Variants in SAMD11 observed in about 807,000 individuals in gnomAD.
The protein encoded by SAMD11 is sterile alpha motif domain-containing protein 11.
In SAMD11, 77 loss-of-function variants were observed where a neutral mutation model predicts 64.4. The ratio of observed to expected loss-of-function variants is 1.20; its 90% CI spans 0.99 to 1.44. The LOEUF (loss-of-function observed/expected upper bound fraction) is 1.44, where lower values mean the gene tolerates loss of function less well. Ranked by LOEUF, SAMD11 falls within the 40% of genes most tolerant of loss-of-function variation. The pLI is 0.00. For missense variants in SAMD11, 1,402 were observed against 943.3 expected, an observed-to-expected ratio of 1.49 and a Z score of -6.37; for synonymous variants, 658 against 421.9, an observed-to-expected ratio of 1.56 and a Z score of -6.86.
In SAMD11 at chr1:939,099, G is replaced by A. The variant is rs759432143; in HGVS notation, c.1027G>A (p.Glu343Lys). The A allele has an allele frequency of 1.2e-6, 2 of 1,604,684 alleles. No homozygotes were observed. Among genetic ancestry groups the A allele is most frequent in the African/African-American group, 2.7e-5 (2 of 74,854 alleles). ...CCGTATCAGCAGCGACTGCTTTTCA[G>A]AGAAGAGGGCACGAAGCGAATCGCC... is the stretch of plus-strand genomic sequence containing the variant. ...SPRISSDCFSEKRARSESPQE... is the reference protein window; with the variant it reads ...SPRISSDCFSKKRARSESPQE... The change falls in exon 6 of 14, where the codon GAG becomes AAG. Residue 343 changes from glutamate (E) to lysine (K), a missense_variant. By Grantham distance (56) the Glu-to-Lys change is moderately conservative. Transcript: ENST00000616016.
At chr1:934,023 G>A (rs1156286686) in intron 4 of SAMD11, among the ~76,000 whole-genome samples, 1 of 118,436 alleles carries the variant, frequency 8.4e-6, no homozygotes, top group Admixed American at 8.4e-5. Context: ...AGGCGGCTGC[G>A]TTACAGGTGG....
At chr1:926,361 C>T (rs1247080131) in intron 2 of SAMD11, among the ~76,000 whole-genome samples, 1 of 152,226 alleles carries the variant, frequency 6.6e-6, no homozygotes, top group Non-Finnish European at 1.5e-5. Flanking sequence ...GCACTGTGCC[C>T]TGTCACCGCT....
chr1:942,275 C>T (rs759199429), intron 9 of SAMD11, 24 bp downstream of exon 9: 10 of 1,070,452 alleles, frequency 9.3e-6, no homozygotes, highest in Non-Finnish European at 1.0e-5. Context: ...TGCGCATCCC[C>T]TGGGAGCCCG....
Position 935,773 on chromosome 1 carries a change from C to G in SAMD11, c.844C>G (p.Gln282Glu). 6.2e-7 allele frequency: 1 copy of G among 1,613,352 alleles called. No homozygotes were observed. The highest frequency in any genetic ancestry group is 1.3e-5 in the African/African-American group (1 of 75,058). The change falls in exon 5 of 14, where the codon CAG (glutamine) becomes GAG (glutamate). Residue 282 changes from glutamine to glutamate, a missense_variant and splice_region_variant. Physicochemically the swap from Gln to Glu is conservative, Grantham distance 29. Coordinates refer to ENST00000616016, the MANE Select transcript of SAMD11 (RefSeq NM_001385641.1). ...NISFREASCSQDGNLPTLISS... is the reference protein window; with the variant it reads ...NISFREASCSEDGNLPTLISS... ...GCTTTTCCCGGTCTCGTTCTGCAGC[C>G]AGGACGGCAACCTTCCCACCCTCAT... is the stretch of plus-strand genomic sequence containing the variant.
At position 939,355 on chromosome 1, in the gene SAMD11, G is replaced by C. The variant is rs750465792; in HGVS notation, c.1138G>C (p.Glu380Gln). 5 of 1,611,650 alleles carry C rather than the reference G, an allele frequency of 3.1e-6. No individual in the cohort carries two copies. The highest frequency in any genetic ancestry group is 4.2e-6 in the Non-Finnish European group (5 of 1,179,808). Residue 380 changes from glutamate to glutamine, a missense_variant, in exon 7 of 14, where the codon GAG becomes CAG. Coordinates refer to ENST00000616016, the MANE Select transcript of SAMD11 (RefSeq NM_001385641.1). The stretch of plus-strand genomic sequence containing the variant: ...CCGCCGGCTTGTGTCAGCACTGAGC[G>C]AGGCCAGCACCTTTGAGGACCCTCA... ...HYRRLVSALS[E>Q]ASTFEDPQRL...
At chr1:941,637 T>G (rs1569910564) in intron 8 of SAMD11, among the ~76,000 whole-genome samples, 1 of 151,848 alleles carries the variant, frequency 6.6e-6, no homozygotes, top group South Asian at 2.1e-4. Context: ...TGGCTGGCGC[T>G]CAAATGTAGA....
chr1:941,944 C>T (rs2100355139), intron 8 of SAMD11, among the ~76,000 whole-genome samples, 192 bp from the exon 9 acceptor site: 1 of 152,168 alleles, frequency 6.6e-6, no homozygotes, highest in South Asian at 2.1e-4. Flanking sequence ...CGGGTCAGCG[C>T]CTCCGCGCCG....
At chr1:933,561 G>C (rs528882083) in intron 4 of SAMD11, among the ~76,000 whole-genome samples, 30 of 152,178 alleles carry the variant, frequency 2.0e-4, no homozygotes, top group African/African-American at 7.0e-4. Flanking sequence ...GGGGACCCCT[G>C]GGGAGAACTC....
chr1:940,779 C>T (rs970171212), intron 7 of SAMD11, among the ~76,000 whole-genome samples: 1 of 152,228 alleles, frequency 6.6e-6, no homozygotes, highest in African/African-American at 2.4e-5. Flanking sequence ...GAGGGGGTCC[C>T]CTGGGCGGTC....
intron 2 of SAMD11, among the ~76,000 whole-genome samples, chr1:926,455 G>A (rs1484510717): frequency 6.6e-6 from 1 of 152,214 alleles, no homozygotes; most frequent in Non-Finnish European, 1.5e-5. Flanking sequence ...GCTTGGGTGT[G>A]AGTGACTTGT....
chr1:944,087 C>T lies in SAMD11; in HGVS notation c.2469C>T (p.Pro823=), dbSNP rs142556056. ...GGHALAGQTS[P]KQENGTLALL... ...ACGCCCTTGCCGGTCAAACTTCACCCAAGCAGGAGAATGGGACCTTGGCTC... is the reference window on the plus strand; with the variant it reads ...ACGCCCTTGCCGGTCAAACTTCACCTAAGCAGGAGAATGGGACCTTGGCTC... The change falls in exon 14 of 14, where the codon CCC becomes CCT. Residue 823 remains proline, a synonymous_variant. Coordinates refer to ENST00000616016, the MANE Select transcript of SAMD11 (RefSeq NM_001385641.1). The T allele has an allele frequency of 8.7e-6, 14 of 1,612,288 alleles. No individual in the cohort carries two copies. In the African/African-American group the frequency reaches 1.7e-4, roughly 20 times the overall value.
At chr1:938,652 C>A (rs1453670757) in intron 5 of SAMD11, among the ~76,000 whole-genome samples, 2 of 152,196 alleles carry the variant, frequency 1.3e-5, no homozygotes, top group Non-Finnish European at 1.5e-5. Context: ...CCTGCACAGC[C>A]CGCCCTCACT....
chr1:936,456 G>T (rs148378838), intron 5 of SAMD11, among the ~76,000 whole-genome samples: 84 of 152,242 alleles, frequency 5.5e-4, no homozygotes, highest in East Asian at 4.5e-3. Context: ...TAGGGCTCCG[G>T]GAAGGATGGG....
intron 7 of SAMD11, 164 bp from the exon 8 acceptor site, chr1:940,980 C>T: frequency 1.8e-6 from 1 of 556,620 alleles, no homozygotes; most frequent in Non-Finnish European, 3.1e-6. Flanking sequence ...CGTCTCGGCC[C>T]TGTGGCCGCC....
In SAMD11 at chr1:942,711, C is replaced by A. The variant is rs1641862544; in HGVS notation, c.1706C>A (p.Pro569Gln). Residue 569 changes from proline to glutamine, a missense_variant, in exon 11 of 14, where the codon CCA becomes CAA. By Grantham distance (76) the Pro-to-Gln change is moderately conservative. Coordinates refer to ENST00000616016, the MANE Select transcript of SAMD11 (RefSeq NM_001385641.1). ...ALLVLNHGAA[P>Q]LLALPPQGPP... Reference sequence around the variant, plus strand: ...CTGGTGCTGAACCACGGCGCGGCGCCACTGCTGGCCCTGCCCCCCCAGGGG... The same window carrying A: ...CTGGTGCTGAACCACGGCGCGGCGCAACTGCTGGCCCTGCCCCCCCAGGGG... 6.9e-7 allele frequency: 1 copy of A among 1,441,164 alleles called. No homozygotes were observed. The highest frequency in any genetic ancestry group is 9.0e-7 in the Non-Finnish European group (1 of 1,109,152). The allele number at this position is 1,441,164 out of a possible 1,614,324, so 89.3% of individuals were successfully genotyped here. A position where few individuals can be genotyped will look rare whatever the true frequency, so the allele number is the denominator to read the frequency against.
chr1:938,871 T>C (rs112870260), intron 5 of SAMD11, among the ~76,000 whole-genome samples, 169 bp from the exon 6 acceptor site: 1 of 152,140 alleles, frequency 6.6e-6, no homozygotes, highest in Non-Finnish European at 1.5e-5. Context: ...CCAGGCGTGA[T>C]GTCCTCTGCG....
At chr1:938,724 G>A (rs1407056248) in intron 5 of SAMD11, among the ~76,000 whole-genome samples, 2 of 152,202 alleles carry the variant, frequency 1.3e-5, no homozygotes, top group African/African-American at 2.4e-5. Flanking sequence ...TCCTCTAGGG[G>A]GATGAGAGGG....
At chr1:935,053 G>T (rs935457983) in intron 4 of SAMD11, among the ~76,000 whole-genome samples, 4 of 152,132 alleles carry the variant, frequency 2.6e-5, no homozygotes, top group African/African-American at 9.7e-5. Context: ...ACCGGGAAGG[G>T]GTGGAGGGCC....
intron 8 of SAMD11, 168 bp from the exon 9 acceptor site, chr1:941,968 T>C (rs1471067444): frequency 2.8e-6 from 1 of 358,884 alleles, no homozygotes; most frequent in African/African-American, 2.1e-5. Context: ...CCGAGATTAA[T>C]TGGCGCCGCC....
Sources: allele counts gnomAD v4.1 joint callset (sites outside exome capture counted in the v4.1 genomes callset), GRCh38; gene constraint gnomAD v4.1.1; transcripts MANE v1.5; gene names NCBI Gene and HGNC (gene_info 2026-07-23, HGNC 2026-07-21).